The following TWIST2 variants were observed in gnomAD, a reference collection of about 807,000 sequenced individuals.
The protein encoded by TWIST2 is twist-related protein 2.
Under a neutral mutation model 11.6 loss-of-function variants are expected in TWIST2, and 1 was observed. The observed-to-expected ratio is 0.09, with a 90% CI of 0.03 to 0.41. The LOEUF is 0.41. Among genes scored for constraint, TWIST2 ranks in the 10% least tolerant of loss-of-function variants. TWIST2 has a pLI of 0.98. For synonymous variants in TWIST2, 87 were observed against 96.6 expected (o/e 0.90, Z 0.58); for missense variants, 168 against 226.4 (o/e 0.74, Z 1.66).
chr2:238,859,875 G>A (rs1358180981), intron 1 of TWIST2, among the ~76,000 whole-genome samples: 1 of 152,108 alleles, frequency 6.6e-6, no homozygotes, highest in East Asian at 1.9e-4. Flanking sequence ...GTGACATGTT[G>A]AGTACACCTC....
In TWIST2 at chr2:238,848,452, C is replaced by T. The variant is rs767816364; in HGVS notation, c.237C>T (p.Thr79=). ...ILANVRERQR[T]QSLNEAFAAL... is the part of the protein sequence containing the mutation. The stretch of plus-strand genomic sequence containing the variant: ...CCAACGTGCGCGAGCGCCAGCGCAC[C>T]CAGTCGCTCAACGAGGCCTTCGCGG... The change falls in exon 1 of 2, where the codon ACC becomes ACT. Residue 79 remains threonine (T), a synonymous_variant. Transcript: ENST00000612363. 1.9e-6 allele frequency: 3 copies of T among 1,556,362 alleles called. 1 individual carries two copies. In the South Asian group the frequency reaches 3.5e-5, roughly 18 times the overall value.
intron 1 of TWIST2, among the ~76,000 whole-genome samples, chr2:238,906,625 C>A (rs2106376132): frequency 1.3e-5 from 2 of 150,862 alleles, no homozygotes; most frequent in East Asian, 3.9e-4. Flanking sequence ...TTCATACTCA[C>A]ACTCACTCTC....
At chr2:238,851,662 G>C (rs2106347554) in intron 1 of TWIST2, among the ~76,000 whole-genome samples, 1 of 152,132 alleles carries the variant, frequency 6.6e-6, no homozygotes, top group East Asian at 1.9e-4. Context: ...CCTCCCTCCT[G>C]AAAATTTACT....
intron 1 of TWIST2, among the ~76,000 whole-genome samples, chr2:238,861,547 T>C (rs534843008): frequency 5.6e-4 from 86 of 152,250 alleles, no homozygotes; most frequent in African/African-American, 2.0e-3. Flanking sequence ...GTGGGGGTAG[T>C]GTTCCGCCCT....
At chr2:238,881,902 G>A (rs1318487541) in intron 1 of TWIST2, among the ~76,000 whole-genome samples, 3 of 152,134 alleles carry the variant, frequency 2.0e-5, no homozygotes, top group African/African-American at 7.2e-5. Context: ...TTCCATCCAT[G>A]AGAGCCCGTG....
At chr2:238,901,678 T>C in intron 1 of TWIST2, among the ~76,000 whole-genome samples, 1 of 151,822 alleles carries the variant, frequency 6.6e-6, no homozygotes, top group Middle Eastern at 3.2e-3. Context: ...GTCTGAGGGG[T>C]CAGGAGGCTG....
intron 1 of TWIST2, among the ~76,000 whole-genome samples, chr2:238,906,653 C>G (rs1039988257): frequency 2.0e-5 from 3 of 152,192 alleles, no homozygotes; most frequent in African/African-American, 7.2e-5. Context: ...TGGGCACACT[C>G]ACAGACACAC....
chr2:238,905,383 C>T (rs1693328141), intron 1 of TWIST2, among the ~76,000 whole-genome samples: 2 of 152,302 alleles, frequency 1.3e-5, no homozygotes, highest in South Asian at 2.1e-4. Flanking sequence ...AGGAGGCGCT[C>T]CCCAGCCCCA....
intron 1 of TWIST2, among the ~76,000 whole-genome samples, chr2:238,900,216 A>T (rs1693253016): frequency 6.6e-6 from 1 of 152,218 alleles, no homozygotes; most frequent in Non-Finnish European, 1.5e-5. Context: ...TAACTTGGAC[A>T]GCATGAGAAT....
chr2:238,850,473 T>C (rs1692223267), intron 1 of TWIST2, among the ~76,000 whole-genome samples: 5 of 152,194 alleles, frequency 3.3e-5, no homozygotes, highest in Admixed American at 3.3e-4. Flanking sequence ...AACACACACA[T>C]TGAGCCGTGT....
chr2:238,873,685 G>A (rs1041409614), intron 1 of TWIST2, among the ~76,000 whole-genome samples: 4 of 152,226 alleles, frequency 2.6e-5, no homozygotes, highest in Non-Finnish European at 4.4e-5. Flanking sequence ...GCCAGGGGAG[G>A]ACAGAAGCAA....
In TWIST2 at chr2:238,863,020, A is replaced by T. The variant is rs1692460593; in HGVS notation, c.*35+14287A>T. On this transcript the variant is annotated intron_variant, in intron 1 of 1. Coordinates refer to ENST00000612363, the MANE Select transcript of TWIST2 (RefSeq NM_001271893.4). The surrounding 1 kb of genome is among the most constrained non-coding windows in gnomAD (Gnocchi z 4.7). ...TCTCTGGACCAAAAGTTGATGAAAG[A>T]GCTTCCTTTCCTTCTTATGTTTTTT... 6.8e-6 allele frequency among the ~76,000 whole-genome samples: 1 copy of T among 147,790 alleles called. No homozygotes were observed. Among genetic ancestry groups the T allele is most frequent in the Non-Finnish European group, 1.5e-5 (1 of 66,992 alleles).
intron 1 of TWIST2, among the ~76,000 whole-genome samples, chr2:238,902,567 GTGTAA>G (rs2106373610): frequency 6.7e-6 from 1 of 149,488 alleles, no homozygotes; most frequent in African/African-American, 2.5e-5. Context: ...ATGTGGGGTT[GTGTAA>G]TGTGAGTTGT....
rs34323971 is a variant in TWIST2 at position 238,890,787 on chromosome 2, T to G, written c.*36-19055T>G. On this transcript the variant is annotated intron_variant, in intron 1 of 1. Transcript: ENST00000612363. Reference sequence around the variant, plus strand: ...GAGTCTTCTGGGGCAGGGGGATTAGTCTCTAAGCTCTCGCATCAAAGACAG... The same window carrying G: ...GAGTCTTCTGGGGCAGGGGGATTAGGCTCTAAGCTCTCGCATCAAAGACAG... 4.1e-4 allele frequency among the ~76,000 whole-genome samples: 62 copies of G among 152,098 alleles called. 1 individual carries two copies. Among genetic ancestry groups the G allele is most frequent in the Middle Eastern group, 3.4e-3 (1 of 294 alleles).
chr2:238,888,770 C>T (rs1477385241), intron 1 of TWIST2, among the ~76,000 whole-genome samples: 1 of 152,206 alleles, frequency 6.6e-6, no homozygotes, highest in Non-Finnish European at 1.5e-5. Flanking sequence ...TAGATCTTAG[C>T]TCTGCCATAT....
At chr2:238,905,856 C>CGT (rs1164031880) in intron 1 of TWIST2, among the ~76,000 whole-genome samples, 1 of 133,920 alleles carries the variant, frequency 7.5e-6, no homozygotes, top group Non-Finnish European at 1.6e-5. Context: ...TGTGTGTGTG[C>CGT]GTGTGTGTGC....
At chr2:238,851,484 C>T (rs1251784151) in intron 1 of TWIST2, among the ~76,000 whole-genome samples, 2 of 152,174 alleles carry the variant, frequency 1.3e-5, no homozygotes, top group Non-Finnish European at 1.5e-5. Context: ...GACATTTGTC[C>T]TGTTCCCTGC....
intron 1 of TWIST2, among the ~76,000 whole-genome samples, chr2:238,908,184 C>G (rs1012200893): frequency 2.0e-4 from 31 of 151,772 alleles, no homozygotes; most frequent in Admixed American, 1.4e-3. Context: ...CCCCACACCA[C>G]ACACACATAC....
Position 238,864,298 on chromosome 2 carries a change from C to G in TWIST2, c.*35+15565C>G, listed in dbSNP as rs879146797. Among the ~76,000 whole-genome samples the G allele has an allele frequency of 1.3e-5, 2 of 152,162 alleles. No homozygotes were observed. Among genetic ancestry groups the G allele is most frequent in the African/African-American group, 2.4e-5 (1 of 41,438 alleles). On this transcript the variant is annotated intron_variant, in intron 1 of 1. Coordinates refer to ENST00000612363, the MANE Select transcript of TWIST2 (RefSeq NM_001271893.4). The surrounding 1 kb of genome is among the most constrained non-coding windows in gnomAD (Gnocchi z 4.7). ...GGCGATCGGGGCCTGATCCTCAGTT[C>G]GAAGACACAGATGCTCACTGCTGTA...
Sources: allele counts gnomAD v4.1 joint callset (sites outside exome capture counted in the v4.1 genomes callset), GRCh38; gene constraint gnomAD v4.1.1; non-coding constraint Gnocchi (gnomAD v3.1); transcripts MANE v1.5; gene names NCBI Gene and HGNC (gene_info 2026-07-23, HGNC 2026-07-21).